Variants in SEMA6D observed in about 807,000 individuals in gnomAD.
The protein encoded by SEMA6D is semaphorin 6D.
In SEMA6D, 35 loss-of-function variants were observed where a neutral mutation model predicts 106.6. The observed-to-expected ratio is 0.33, with a 90% CI of 0.25 to 0.44. SEMA6D has a LOEUF of 0.44. Ranked by LOEUF, SEMA6D falls within the 20% of genes least tolerant of loss-of-function variation. SEMA6D has a pLI of 1.00. For missense variants in SEMA6D, 1,185 were observed against 1,345.9 expected (o/e 0.88, Z 1.87); for synonymous variants, 499 against 487.7 (o/e 1.02, Z -0.31).
At chr15:47,368,138 C>G (rs2039129917) in intron 1 of SEMA6D, among the ~76,000 whole-genome samples, 1 of 152,184 alleles carries the variant, frequency 6.6e-6, no homozygotes, top group Non-Finnish European at 1.5e-5. Flanking sequence ...GAAGCCATTG[C>G]AATAGTCATC....
intron 1 of SEMA6D, among the ~76,000 whole-genome samples, chr15:47,322,835 TTG>T (rs939362167): frequency 6.6e-6 from 1 of 151,966 alleles, no homozygotes; most frequent in Admixed American, 6.5e-5. Context: ...GCAATTATTT[TTG>T]TGTTTTCCTT....
At chr15:47,456,473 T>C (rs1323992349) in intron 2 of SEMA6D, among the ~76,000 whole-genome samples, 3 of 151,984 alleles carry the variant, frequency 2.0e-5, no homozygotes, top group Non-Finnish European at 2.9e-5. Context: ...TTATTTATGC[T>C]CAACACTGCT....
intron 4 of SEMA6D, among the ~76,000 whole-genome samples, chr15:47,683,527 T>C (rs957748707): frequency 6.6e-6 from 1 of 152,210 alleles, no homozygotes; most frequent in Non-Finnish European, 1.5e-5. Context: ...TATTATAAAC[T>C]CTGTACATGG....
chr15:47,405,094 A>G (rs2040518425), intron 1 of SEMA6D, among the ~76,000 whole-genome samples: 1 of 152,102 alleles, frequency 6.6e-6, no homozygotes, highest in African/African-American at 2.4e-5. Flanking sequence ...AAGGCAGGGC[A>G]TATTGGAAGT....
At chr15:47,403,598 T>C (rs2040466259) in intron 1 of SEMA6D, among the ~76,000 whole-genome samples, 1 of 151,948 alleles carries the variant, frequency 6.6e-6, no homozygotes, top group Admixed American at 6.6e-5. Flanking sequence ...CAAAGGTGAG[T>C]TAGGTACATT....
chr15:47,274,651 T>C (rs1163283430), intron 1 of SEMA6D: 2 of 152,156 alleles, frequency 1.3e-5, no homozygotes, highest in South Asian at 2.1e-4. Context: ...TTTTCAGAAG[T>C]TGTATGTAAA....
intron 1 of SEMA6D, among the ~76,000 whole-genome samples, chr15:47,398,618 G>A (rs1046275205): frequency 6.6e-6 from 1 of 152,254 alleles, no homozygotes; most frequent in Non-Finnish European, 1.5e-5. Context: ...GGAGAGATTC[G>A]GTTTGGCACG....
rs74011474 is a variant in SEMA6D at position 47,476,079 on chromosome 15, A to G, written c.-87+5534A>G. On this transcript the variant is annotated intron_variant, in intron 3 of 19. Transcript: ENST00000558014. ...TGGATCCTGAGGGAGACAGGAACATATTCCAGGCAGAGGAAGTAGGTTGGG... is the reference window on the plus strand; with the variant it reads ...TGGATCCTGAGGGAGACAGGAACATGTTCCAGGCAGAGGAAGTAGGTTGGG... 9.4e-3 allele frequency among the ~76,000 whole-genome samples: 1,438 copies of G among 152,306 alleles called. 31 individuals are homozygous for G. Among genetic ancestry groups the G allele is most frequent in the African/African-American group, 0.033 (1,388 of 41,566 alleles).
At chr15:47,532,388 C>T (rs754745942) in intron 3 of SEMA6D, among the ~76,000 whole-genome samples, 37 of 152,162 alleles carry the variant, frequency 2.4e-4, no homozygotes, top group Non-Finnish European at 4.6e-4. Flanking sequence ...AGTCTCTCTC[C>T]CTCCTCCTCT....
Position 47,383,137 on chromosome 15 carries a change from A to G in SEMA6D, c.-238-29256A>G, listed in dbSNP as rs183736945. 1.6e-4 allele frequency among the ~76,000 whole-genome samples: 25 copies of G among 152,308 alleles called. No homozygotes were observed. The East Asian group carries it at 4.8e-3, about 29-fold the overall frequency. On this transcript the variant is annotated intron_variant, in intron 1 of 19. Transcript: ENST00000558014. ...TCCTGATGAGGACAATATCTCAGCCATCTGGCACTTACAGCTTTGATGCAA... is the reference window on the plus strand; with the variant it reads ...TCCTGATGAGGACAATATCTCAGCCGTCTGGCACTTACAGCTTTGATGCAA...
intron 1 of SEMA6D, among the ~76,000 whole-genome samples, chr15:47,306,144 A>G (rs1268773127): frequency 6.6e-6 from 1 of 151,678 alleles, no homozygotes; most frequent in African/African-American, 2.4e-5. Flanking sequence ...ACCATGCCCA[A>G]CTAATTTTTT....
At chr15:47,648,503 T>TGAATGAATGAAC (rs2077623697) in intron 4 of SEMA6D, among the ~76,000 whole-genome samples, 1 of 152,068 alleles carries the variant, frequency 6.6e-6, no homozygotes, top group African/African-American at 2.4e-5. Flanking sequence ...AATGAATGAA[T>TGAATGAATGAAC]GAAAATTTGT....
At chr15:47,745,261 C>T (rs1039534084) in intron 1 of SEMA6D, among the ~76,000 whole-genome samples, 3 of 152,222 alleles carry the variant, frequency 2.0e-5, no homozygotes, top group Non-Finnish European at 4.4e-5. Flanking sequence ...GTGCCAGGAT[C>T]TCTGGTTCAA....
At chr15:47,185,915 T>C (rs1464238543) in intron 1 of SEMA6D, 3 of 152,132 alleles carry the variant, frequency 2.0e-5, no homozygotes, top group Admixed American at 6.5e-5. Context: ...GGTCCGTGGG[T>C]AGTATTCAGA....
intron 1 of SEMA6D, among the ~76,000 whole-genome samples, chr15:47,353,709 C>T (rs539197885): frequency 1.3e-5 from 2 of 152,216 alleles, no homozygotes; most frequent in South Asian, 2.1e-4. Flanking sequence ...TTTGAGTCCA[C>T]CACAGCTCCT....
intron 4 of SEMA6D, among the ~76,000 whole-genome samples, chr15:47,633,592 G>A (rs1566948323): frequency 1.3e-5 from 2 of 152,100 alleles, no homozygotes; most frequent in South Asian, 4.1e-4. Context: ...GAATTGTAAT[G>A]TATCTTGTCA....
chr15:47,261,171 C>T (rs563799880), intron 1 of SEMA6D, among the ~76,000 whole-genome samples: 3 of 152,050 alleles, frequency 2.0e-5, no homozygotes, highest in African/African-American at 7.2e-5. Context: ...TTTTACTAAC[C>T]GAGTTTTGCC....
chr15:47,411,164 C>T (rs886945276), intron 1 of SEMA6D, among the ~76,000 whole-genome samples: 7 of 152,078 alleles, frequency 4.6e-5, no homozygotes, highest in East Asian at 3.9e-4. Context: ...GGCACAGTCT[C>T]GGCTCACTGC....
rs536179539 is a variant in SEMA6D, at chr15:47,315,228, T to A, written c.-238-97165T>A. 3.3e-5 allele frequency among the ~76,000 whole-genome samples: 5 copies of A among 152,318 alleles called. No homozygotes were observed. The South Asian group carries it at 1.0e-3, about 32-fold the overall frequency. On this transcript the variant is annotated intron_variant, in intron 1 of 19. Coordinates refer to the SEMA6D transcript ENST00000558014. ...AATTTTACATTTTATATGCAGATTATGTTTGCATTTTTTACATTTTGCATT... is the reference window on the plus strand; with the variant it reads ...AATTTTACATTTTATATGCAGATTAAGTTTGCATTTTTTACATTTTGCATT...
Sources: allele counts gnomAD v4.1 joint callset (sites outside exome capture counted in the v4.1 genomes callset), GRCh38; gene constraint gnomAD v4.1.1; transcripts MANE v1.5; gene names NCBI Gene and HGNC (gene_info 2026-07-23, HGNC 2026-07-21).